CREB5: variants seen among roughly 807,000 people sequenced by gnomAD.
CREB5 encodes the protein cyclic AMP-responsive element-binding protein 5.
Under a neutral mutation model 57.1 loss-of-function variants are expected in CREB5, and 19 were observed. The ratio of observed to expected loss-of-function variants is 0.33; its 90% CI spans 0.23 to 0.49. The LOEUF is 0.49. Ranked by LOEUF, CREB5 falls within the 20% of genes least tolerant of loss-of-function variation. CREB5 has a pLI of 0.99. For synonymous variants in CREB5, 238 were observed against 238.3 expected (o/e 1.00, Z 0.01); for missense variants, 579 against 671.6 (o/e 0.86, Z 1.52).
At chr7:28,550,327 G>C (rs1276453132) in intron 4 of CREB5, among the ~76,000 whole-genome samples, 1 of 152,124 alleles carries the variant, frequency 6.6e-6, no homozygotes, top group Non-Finnish European at 1.5e-5. Flanking sequence ...TGGTTGAGTG[G>C]TTATAGTAGC....
chr7:28,495,752 AG>A (rs1792012949), intron 3 of CREB5, among the ~76,000 whole-genome samples: 1 of 152,184 alleles, frequency 6.6e-6, no homozygotes. Context: ...TTTAAGGAAA[AG>A]GTGCTATGCA....
At chr7:28,723,030 G>A (rs1469126441) in intron 6 of CREB5, among the ~76,000 whole-genome samples, 2 of 152,188 alleles carry the variant, frequency 1.3e-5, no homozygotes, top group Non-Finnish European at 2.9e-5. Flanking sequence ...TGAGGTTTCA[G>A]TCCTCCACTC....
At position 28,742,722 on chromosome 7, in the gene CREB5, C is replaced by G. The variant is rs1199500734; in HGVS notation, c.702+18390C>G. 2.6e-5 allele frequency among the ~76,000 whole-genome samples: 4 copies of G among 152,146 alleles called. No individual in the cohort carries two copies. In the East Asian group the frequency reaches 7.7e-4, roughly 29 times the overall value. ...AAGTTACTCACTAATCCTCATTCAC[C>G]TCTCAGGATATACTTGGGAAATTTT... On this transcript the variant is annotated intron_variant, in intron 7 of 10. Transcript: ENST00000357727.
At chr7:28,329,211 C>T (rs1382138791) in intron 1 of CREB5, among the ~76,000 whole-genome samples, 1 of 152,228 alleles carries the variant, frequency 6.6e-6, no homozygotes, top group Non-Finnish European at 1.5e-5. Context: ...CATTCTATCT[C>T]ATGGAACCAT....
chr7:28,353,206 C>T (rs1164210038), intron 1 of CREB5, among the ~76,000 whole-genome samples: 2 of 152,226 alleles, frequency 1.3e-5, no homozygotes, highest in Admixed American at 1.3e-4. Context: ...TGTCCTGCCT[C>T]AGCCTCCCGA....
intron 5 of CREB5, among the ~76,000 whole-genome samples, chr7:28,675,964 G>A (rs542504908): frequency 6.6e-6 from 1 of 152,216 alleles, no homozygotes; most frequent in African/African-American, 2.4e-5. Flanking sequence ...GAGGATTACT[G>A]CCCCAAAGCT....
At chr7:28,393,942 G>T (rs998781883) in intron 1 of CREB5, among the ~76,000 whole-genome samples, 6 of 151,904 alleles carry the variant, frequency 3.9e-5, no homozygotes, top group African/African-American at 1.5e-4. Context: ...AGGTGCAGTT[G>T]TGCACACCTG....
At chr7:28,749,274 T>TTTATTTTATAATAAAATATA (rs1214838742) in intron 7 of CREB5, 1 of 152,238 alleles carries the variant, frequency 6.6e-6, no homozygotes, top group Non-Finnish European at 1.5e-5. Flanking sequence ...AGGCCAGTGA[T>TTTATTTTATAATAAAATATA]TTATTTTAAT....
intron 5 of CREB5, among the ~76,000 whole-genome samples, chr7:28,593,880 AAG>A (rs1175457255): frequency 1.3e-5 from 2 of 152,230 alleles, no homozygotes; most frequent in Non-Finnish European, 2.9e-5. Context: ...CCAAGTGGGA[AAG>A]AGTAAAACTA....
chr7:28,756,738 A>G lies in CREB5; in HGVS notation c.702+32406A>G, dbSNP rs535670872. On this transcript the variant is annotated intron_variant, in intron 7 of 10. Coordinates refer to ENST00000357727, the MANE Select transcript of CREB5 (RefSeq NM_182898.4). The stretch of plus-strand genomic sequence containing the variant: ...CAAAGCGGCCCTCTCCTCAAGCACC[A>G]TATTGGTTATTAGTGTCAGCCACAA... Among the ~76,000 whole-genome samples the G allele has an allele frequency of 2.0e-5, 3 of 152,230 alleles. No individual in the cohort carries two copies. In the East Asian group the frequency reaches 5.8e-4, roughly 29 times the overall value.
chr7:28,484,548 C>G (rs190010129), intron 1 of CREB5, among the ~76,000 whole-genome samples: 1 of 152,322 alleles, frequency 6.6e-6, no homozygotes, highest in East Asian at 1.9e-4. Context: ...CCACTCACTT[C>G]AGACCTTATT....
At chr7:28,500,906 C>T (rs1792248200) in intron 3 of CREB5, among the ~76,000 whole-genome samples, 1 of 152,090 alleles carries the variant, frequency 6.6e-6, no homozygotes. Context: ...AGTAACTTCC[C>T]ACCGTGTGTA....
intron 5 of CREB5, among the ~76,000 whole-genome samples, chr7:28,669,981 C>T (rs752460159): frequency 1.6e-4 from 25 of 152,238 alleles, no homozygotes; most frequent in Non-Finnish European, 3.5e-4. Context: ...TCACTATCCC[C>T]TTTGACCGTG....
intron 5 of CREB5, among the ~76,000 whole-genome samples, chr7:28,642,975 C>T (rs56721669): frequency 0.014 from 1,285 of 89,296 alleles, 5 homozygotes; most frequent in Non-Finnish European, 0.023. Flanking sequence ...CACACACACA[C>T]ACACACACAC....
chr7:28,663,731 AATAG>A (rs370255177), intron 5 of CREB5, among the ~76,000 whole-genome samples: 31 of 152,322 alleles, frequency 2.0e-4, no homozygotes, highest in South Asian at 1.5e-3. Context: ...TGTGATCTGT[AATAG>A]ATAGAGAGAT....
intron 1 of CREB5, among the ~76,000 whole-genome samples, chr7:28,372,927 G>C (rs1044036984): frequency 6.6e-6 from 1 of 152,206 alleles, no homozygotes; most frequent in African/African-American, 2.4e-5. Context: ...GTACGGCTTT[G>C]TCATGCTGCA....
chr7:28,549,224 A>G (rs1361454339), intron 4 of CREB5, among the ~76,000 whole-genome samples: 1 of 152,260 alleles, frequency 6.6e-6, no homozygotes, highest in African/African-American at 2.4e-5. Flanking sequence ...CTAAAAGCAT[A>G]TAAGTATGAT....
intron 5 of CREB5, among the ~76,000 whole-genome samples, chr7:28,703,194 G>C (rs374356298): frequency 6.6e-6 from 1 of 152,182 alleles, no homozygotes; most frequent in East Asian, 1.9e-4. Flanking sequence ...GTCAGAAACT[G>C]TTGGAAGAAA....
At chr7:28,483,849 G>A (rs1448752186) in intron 1 of CREB5, among the ~76,000 whole-genome samples, 1 of 152,170 alleles carries the variant, frequency 6.6e-6, no homozygotes, top group Non-Finnish European at 1.5e-5. Context: ...AATCTGGAGA[G>A]ATTTCTTCTC....
Sources: allele counts gnomAD v4.1 joint callset (sites outside exome capture counted in the v4.1 genomes callset), GRCh38; gene constraint gnomAD v4.1.1; transcripts MANE v1.5; gene names NCBI Gene and HGNC (gene_info 2026-07-23, HGNC 2026-07-21).